CSMD2: variants seen among roughly 807,000 people sequenced by gnomAD.
The protein encoded by CSMD2 is CUB and sushi domain-containing protein 2.
A neutral mutation model predicts 398.5 loss-of-function variants in CSMD2; 130 were observed. The ratio of observed to expected loss-of-function variants is 0.33; its 90% CI spans 0.28 to 0.38. The LOEUF is 0.38. CSMD2 is among the 10% of genes least tolerant of loss of function. The pLI is 1.00. For synonymous variants in CSMD2, 1,828 were observed against 1,908.5 expected, an observed-to-expected ratio of 0.96 and a Z score of 1.10; for missense variants, 3,829 against 4,764.9, an observed-to-expected ratio of 0.80 and a Z score of 5.78.
At chr1:33,814,952 C>T (rs754110390) in intron 9 of CSMD2, among the ~76,000 whole-genome samples, 4 of 152,070 alleles carry the variant, frequency 2.6e-5, no homozygotes, top group Admixed American at 1.3e-4. Context: ...CAAGACCACT[C>T]ACCAATACCT....
chr1:33,645,210 A>G (rs1418971052), intron 29 of CSMD2, among the ~76,000 whole-genome samples: 1 of 152,104 alleles, frequency 6.6e-6, no homozygotes, highest in Non-Finnish European at 1.5e-5. Flanking sequence ...GAAAATTTTT[A>G]ATTTTAGCTG....
At chr1:33,713,884 A>C (rs1350934809) in intron 21 of CSMD2, among the ~76,000 whole-genome samples, 1 of 152,156 alleles carries the variant, frequency 6.6e-6, no homozygotes, top group African/African-American at 2.4e-5. Flanking sequence ...AAGCTGACTT[A>C]ATTTTTCTCT....
At chr1:34,062,505 G>C (rs1654626756) in intron 2 of CSMD2, among the ~76,000 whole-genome samples, 1 of 152,204 alleles carries the variant, frequency 6.6e-6, no homozygotes, top group Admixed American at 6.5e-5. Flanking sequence ...AGTGAAGACA[G>C]GGGGTACAGG....
intron 5 of CSMD2, among the ~76,000 whole-genome samples, chr1:33,886,986 T>A (rs550849967): frequency 5.3e-4 from 81 of 152,002 alleles, no homozygotes; most frequent in Non-Finnish European, 7.9e-4. Context: ...TTTTTTTTTT[T>A]AAATTTATTT....
In CSMD2 at chr1:33,577,467, G is replaced by A. The variant is rs1638357938; in HGVS notation, c.7405C>T (p.Pro2469Ser). 1.2e-6 allele frequency: 2 copies of A among 1,612,408 alleles called. No homozygotes were observed. Among genetic ancestry groups the A allele is most frequent in the East Asian group, 4.5e-5 (2 of 44,814 alleles). ...IRYSAPYCSL[P>S]RAPLHGFILG... ...ATGAAGCCATGGAGTGGAGCCCTGGGCAGGCTGCAGTAAGGGGCTGAACAA... is the reference window on the plus strand; with the variant it reads ...ATGAAGCCATGGAGTGGAGCCCTGGACAGGCTGCAGTAAGGGGCTGAACAA... The change falls in exon 49 of 71, where the codon CCC (proline) becomes TCC (serine). Residue 2469 changes from proline (P) to serine (S), a missense_variant. Transcript: ENST00000373381.
At chr1:33,600,051 T>A (rs1640108763) in intron 44 of CSMD2, 1 of 646,172 alleles carries the variant, frequency 1.5e-6, no homozygotes, top group Admixed American at 2.7e-5. Flanking sequence ...AAAGTGGGGG[T>A]TAGAATATTT....
intron 25 of CSMD2, among the ~76,000 whole-genome samples, chr1:33,673,478 C>T (rs1571175234): frequency 4.6e-5 from 7 of 152,296 alleles, no homozygotes; most frequent in South Asian, 2.1e-4. Context: ...ACCAAATCTA[C>T]GTCTGATCGG....
At position 34,164,418 on chromosome 1, in the gene CSMD2, T is replaced by G. The variant is rs898773682; in HGVS notation, c.187+493A>C. On this transcript the variant is annotated intron_variant, in intron 1 of 70. Coordinates refer to ENST00000373381, the MANE Select transcript of CSMD2 (RefSeq NM_001281956.2). The surrounding 1 kb of genome is among the most constrained non-coding windows in gnomAD (Gnocchi z 6.2). ...GGGCACCGGTTTCAATTGGAGAAAA[T>G]GGGCGGGGGCAGGGAAGGGCAGACC... Among the ~76,000 whole-genome samples the G allele has an allele frequency of 6.7e-6, 1 of 149,796 alleles. No individual in the cohort carries two copies. The highest frequency in any genetic ancestry group is 1.5e-5 in the Non-Finnish European group (1 of 67,370).
chr1:33,963,994 G>C (rs1302706135), intron 3 of CSMD2, among the ~76,000 whole-genome samples: 3 of 152,214 alleles, frequency 2.0e-5, no homozygotes, highest in Non-Finnish European at 4.4e-5. Context: ...AGCTGCCAAG[G>C]TGTTTGTCCA....
In CSMD2 at chr1:33,918,366, G is replaced by A. The variant is rs558843349; in HGVS notation, c.713-65C>T. 5.4e-6 allele frequency: 7 copies of A among 1,292,436 alleles called. No individual in the cohort carries two copies. The East Asian group carries it at 1.7e-4, about 31-fold the overall frequency. The allele number at this position is 1,292,436 out of a possible 1,614,324, so 80.1% of individuals were successfully genotyped here. A position where few individuals can be genotyped will look rare whatever the true frequency, so the allele number is the denominator to read the frequency against. ...GTTTTCAAGCCCTAGCACTCACCAT[G>A]GGCTATACCTGCAATACATCCTTCT... On this transcript the variant is annotated intron_variant, in intron 4 of 70. Transcript: ENST00000373381.
Position 34,156,771 on chromosome 1 carries a change from T to C in CSMD2, c.187+8140A>G, listed in dbSNP as rs75354373. ...TCTCAGTAATTTAACTATACATACA[T>C]TATTTTTAGCATCATAAAAGTTCCT... On this transcript the variant is annotated intron_variant, in intron 1 of 70. Transcript: ENST00000373381. Among the ~76,000 whole-genome samples the C allele has an allele frequency of 1.7e-3, 262 of 152,290 alleles. 3 individuals carry two copies. The highest frequency in any genetic ancestry group is 6.1e-3 in the African/African-American group (253 of 41,556).
At chr1:33,554,311 A>G (rs1227924422) in intron 55 of CSMD2, among the ~76,000 whole-genome samples, 1 of 147,544 alleles carries the variant, frequency 6.8e-6, no homozygotes, top group Admixed American at 7.0e-5. Context: ...CCCCTGCCTC[A>G]GCCTCCCGAG....
At chr1:33,983,798 G>C (rs893058390) in intron 3 of CSMD2, among the ~76,000 whole-genome samples, 1 of 152,102 alleles carries the variant, frequency 6.6e-6, no homozygotes, top group Non-Finnish European at 1.5e-5. Flanking sequence ...TGTTAGCCGA[G>C]AGTGAACATT....
At chr1:33,743,676 G>T in intron 13 of CSMD2, 70 bp from the exon 14 acceptor site, 1 of 1,119,392 alleles carries the variant, frequency 8.9e-7, no homozygotes, top group Non-Finnish European at 1.3e-6. Flanking sequence ...AGGGCTGGCA[G>T]GGGGAACATC....
At chr1:33,697,345 G>T (rs1427846082) in intron 24 of CSMD2, among the ~76,000 whole-genome samples, 1 of 152,084 alleles carries the variant, frequency 6.6e-6, no homozygotes, top group African/African-American at 2.4e-5. Flanking sequence ...AATGAGGGGA[G>T]ATATAAAAAG....
At chr1:34,123,353 G>T (rs899608269) in intron 1 of CSMD2, among the ~76,000 whole-genome samples, 7 of 152,160 alleles carry the variant, frequency 4.6e-5, no homozygotes, top group Admixed American at 6.5e-5. Context: ...GGAGGTTTGT[G>T]TGCCCAGGGA....
At chr1:33,690,873 G>A (rs566415613) in intron 25 of CSMD2, among the ~76,000 whole-genome samples, 10 of 152,192 alleles carry the variant, frequency 6.6e-5, no homozygotes, top group Non-Finnish European at 1.2e-4. Flanking sequence ...GGGAGGTAAG[G>A]CATGAGCATA....
At chr1:33,619,492 A>G (rs1641621066) in intron 37 of CSMD2, among the ~76,000 whole-genome samples, 1 of 152,234 alleles carries the variant, frequency 6.6e-6, no homozygotes, top group Non-Finnish European at 1.5e-5. Context: ...TGAGACTCTG[A>G]TAACTACATG....
chr1:34,119,340 G>T (rs529320466), intron 1 of CSMD2, among the ~76,000 whole-genome samples: 113 of 152,128 alleles, frequency 7.4e-4, no homozygotes, highest in Admixed American at 1.3e-3. Flanking sequence ...TAAAAGGAAA[G>T]CTTTATGACA....
Sources: gnomAD v4.1 joint callset for allele counts (sites outside exome capture counted in the v4.1 genomes callset) on GRCh38, gnomAD v4.1.1 for gene constraint, Gnocchi (gnomAD v3.1) non-coding constraint, MANE v1.5 for transcripts, NCBI Gene and HGNC (gene_info 2026-07-23, HGNC 2026-07-21) for gene names.